Variants in UST observed in about 807,000 individuals in gnomAD.
UST encodes chondroitin sulfate 2-O-sulfotransferase.
UST carries 21 observed loss-of-function variants against 45.6 expected under a neutral mutation model. The observed-to-expected ratio is 0.46, with a 90% CI of 0.33 to 0.66. UST has a LOEUF of 0.66. Ranked by LOEUF, UST falls within the 30% of genes least tolerant of loss-of-function variation. The probability of loss-of-function intolerance (pLI) is 0.02; values close to 1 mark genes in which losing one functional copy is unlikely to be tolerated. For synonymous variants in UST, 215 were observed against 200.6 expected (o/e 1.07, Z -0.61); for missense variants, 463 against 512.4 (o/e 0.90, Z 0.93).
At chr6:149,017,793 C>CATATATATATATATATAT (rs772511492) in intron 5 of UST, among the ~76,000 whole-genome samples, 3 of 54,406 alleles carry the variant, frequency 5.5e-5, no homozygotes, top group Admixed American at 2.6e-4. Flanking sequence ...AATGAATATC[C>CATATATATATATATATAT]ATATATACAC....
chr6:149,021,121 A>G (rs1582962959), intron 6 of UST, among the ~76,000 whole-genome samples: 1 of 152,142 alleles, frequency 6.6e-6, no homozygotes, highest in East Asian at 1.9e-4. Flanking sequence ...AAAGTGACAG[A>G]GAAGGAATGG....
intron 1 of UST, among the ~76,000 whole-genome samples, chr6:148,817,125 A>G (rs1193987305): frequency 6.6e-6 from 1 of 152,082 alleles, no homozygotes. Context: ...CTACTCTTTC[A>G]GAAACCCCTT....
intron 1 of UST, among the ~76,000 whole-genome samples, chr6:148,776,486 T>A (rs1776537401): frequency 6.6e-6 from 1 of 152,212 alleles, no homozygotes; most frequent in Non-Finnish European, 1.5e-5. Flanking sequence ...CTCATTCTTT[T>A]CTGCACGTGG....
intron 1 of UST, among the ~76,000 whole-genome samples, chr6:148,859,336 G>C (rs7743969): frequency 2.6e-5 from 4 of 152,278 alleles, no homozygotes; most frequent in Admixed American, 6.5e-5. Context: ...TTTTGATGGG[G>C]TTGTTTGATT....
At chr6:148,957,501 G>A (rs1048533832) in intron 4 of UST, among the ~76,000 whole-genome samples, 7 of 152,076 alleles carry the variant, frequency 4.6e-5, no homozygotes, top group Admixed American at 1.3e-4. Flanking sequence ...GGAGTGCAGC[G>A]GTGCAATCTC....
chr6:148,882,420 A>C (rs941084789), intron 1 of UST, among the ~76,000 whole-genome samples: 1 of 141,094 alleles, frequency 7.1e-6, no homozygotes, highest in Non-Finnish European at 1.5e-5. Context: ...TGGAAGGCAG[A>C]GGCTGCAGTG....
intron 5 of UST, among the ~76,000 whole-genome samples, chr6:148,991,688 C>T (rs1489107502): frequency 1.3e-5 from 2 of 151,884 alleles, no homozygotes; most frequent in Non-Finnish European, 2.9e-5. Flanking sequence ...AGATATTAGA[C>T]CCATTGAGAA....
intron 1 of UST, among the ~76,000 whole-genome samples, chr6:148,752,621 T>C (rs1355045041): frequency 7.9e-5 from 12 of 152,262 alleles, no homozygotes; most frequent in Admixed American, 7.8e-4. Context: ...GTGGATTATC[T>C]AAATACTGTC....
intron 1 of UST, among the ~76,000 whole-genome samples, chr6:148,804,728 G>T (rs1394518797): frequency 6.6e-6 from 1 of 151,812 alleles, no homozygotes; most frequent in Non-Finnish European, 1.5e-5. Context: ...TGAAATCAGA[G>T]TTCAGATTCA....
chr6:148,802,789 GAAC>G (rs1777077117), intron 1 of UST, among the ~76,000 whole-genome samples: 3 of 152,136 alleles, frequency 2.0e-5, no homozygotes, highest in Admixed American at 2.0e-4. Context: ...AAATAGGCAA[GAAC>G]AATTTTAGAA....
At chr6:148,788,316 C>T (rs1307882651) in intron 1 of UST, among the ~76,000 whole-genome samples, 2 of 152,016 alleles carry the variant, frequency 1.3e-5, no homozygotes, top group African/African-American at 2.4e-5. Context: ...AGGACACAGC[C>T]AAACCATATC....
chr6:148,791,018 G>A (rs1424654787), intron 1 of UST, among the ~76,000 whole-genome samples: 4 of 152,342 alleles, frequency 2.6e-5, no homozygotes, highest in South Asian at 2.1e-4. Context: ...GTTACAGTTC[G>A]CTGACTACTG....
At chr6:149,056,375 G>A (rs1014460046) in intron 7 of UST, among the ~76,000 whole-genome samples, 1 of 151,938 alleles carries the variant, frequency 6.6e-6, no homozygotes, top group African/African-American at 2.4e-5. Flanking sequence ...TCAAAGTGCT[G>A]GGATTACAGG....
intron 1 of UST, among the ~76,000 whole-genome samples, chr6:148,863,013 C>T (rs929480579): frequency 6.6e-6 from 1 of 152,218 alleles, no homozygotes; most frequent in African/African-American, 2.4e-5. Flanking sequence ...TTGTGGCATT[C>T]CCTCTATTTC....
At chr6:148,871,061 G>T (rs1778540752) in intron 1 of UST, among the ~76,000 whole-genome samples, 2 of 150,610 alleles carry the variant, frequency 1.3e-5, no homozygotes, top group Admixed American at 1.3e-4. Flanking sequence ...GGGTAGGGCT[G>T]CCATGATGGG....
At chr6:148,804,023 C>G (rs1777102345) in intron 1 of UST, among the ~76,000 whole-genome samples, 1 of 152,178 alleles carries the variant, frequency 6.6e-6, no homozygotes, top group Non-Finnish European at 1.5e-5. Context: ...CCACTGTATC[C>G]TCAAGGCCTA....
intron 2 of UST, among the ~76,000 whole-genome samples, chr6:148,891,289 A>C (rs1369309617): frequency 6.6e-6 from 1 of 152,138 alleles, no homozygotes; most frequent in African/African-American, 2.4e-5. Flanking sequence ...AGCAGCGGGC[A>C]GCAGCAATGA....
intron 2 of UST, among the ~76,000 whole-genome samples, chr6:148,905,631 G>A (rs968810113): frequency 2.0e-5 from 3 of 152,208 alleles, no homozygotes; most frequent in African/African-American, 7.2e-5. Context: ...TGAGCAATGT[G>A]AAGCCAGCCA....
intron 4 of UST, among the ~76,000 whole-genome samples, chr6:148,959,979 C>G (rs1780615431): frequency 6.6e-6 from 1 of 151,942 alleles, no homozygotes; most frequent in South Asian, 2.1e-4. Flanking sequence ...TGACGGGCTC[C>G]AGCAAAGGGC....
Sources: gnomAD v4.1 joint callset for allele counts (sites outside exome capture counted in the v4.1 genomes callset) on GRCh38, gnomAD v4.1.1 for gene constraint, MANE v1.5 for transcripts, NCBI Gene and HGNC (gene_info 2026-07-23, HGNC 2026-07-21) for gene names.